The following CFAP43 variants were observed in gnomAD, a reference collection of about 807,000 sequenced individuals.
CFAP43 encodes cilia and flagella associated protein 43, also known as cilia- and flagella-associated protein 43.
A neutral mutation model predicts 218.9 loss-of-function variants in CFAP43; 155 were observed. The ratio of observed to expected loss-of-function variants is 0.71; its 90% CI spans 0.62 to 0.81. The LOEUF is 0.81. Among genes scored for constraint, CFAP43 ranks in the 30% least tolerant of loss-of-function variants. The probability of loss-of-function intolerance (pLI) is 0.00; values close to 1 mark genes in which losing one functional copy is unlikely to be tolerated. For synonymous variants in CFAP43, 645 were observed against 681.3 expected (o/e 0.95, Z 0.83); for missense variants, 1,778 against 1,954.3 (o/e 0.91, Z 1.70).
chr10:104,145,426 T>G, intron 31 of CFAP43, 50 bp downstream of exon 31: 1 of 1,343,490 alleles, frequency 7.4e-7, no homozygotes, highest in Non-Finnish European at 1.0e-6. Context: ...ACACTCCTCT[T>G]TATTTGCAAA....
chr10:104,162,199 G>T, intron 25 of CFAP43, 118 bp downstream of exon 25: 1 of 1,230,272 alleles, frequency 8.1e-7, no homozygotes, highest in Non-Finnish European at 1.2e-6. Context: ...GAGGCCAACT[G>T]AGATTCAAGT....
chr10:104,152,021 A>G (rs939207207), intron 28 of CFAP43, among the ~76,000 whole-genome samples: 1 of 152,150 alleles, frequency 6.6e-6, no homozygotes, highest in Non-Finnish European at 1.5e-5. Flanking sequence ...TGCATACTTC[A>G]TTTTTATTCC....
intron 28 of CFAP43, among the ~76,000 whole-genome samples, chr10:104,150,520 G>A (rs2088200881): frequency 1.3e-5 from 2 of 152,158 alleles, no homozygotes; most frequent in South Asian, 2.1e-4. Context: ...AAAAGTCACT[G>A]AGGGAATTTA....
intron 26 of CFAP43, among the ~76,000 whole-genome samples, chr10:104,161,712 C>T (rs556953236): frequency 6.6e-6 from 1 of 152,200 alleles, no homozygotes; most frequent in African/African-American, 2.4e-5. Context: ...CTCACTGTAG[C>T]CTTGAACTCC....
intron 3 of CFAP43, among the ~76,000 whole-genome samples, chr10:104,216,337 TCA>T (rs1230002237): frequency 6.6e-6 from 1 of 152,218 alleles, no homozygotes; most frequent in Non-Finnish European, 1.5e-5. Flanking sequence ...AGACTCTCTG[TCA>T]CACACCTCTT....
In CFAP43 at chr10:104,166,559, T is replaced by C. The variant is rs1305867663; in HGVS notation, c.2968A>G (p.Thr990Ala). Residue 990 changes from threonine to alanine, a missense_variant, in exon 23 of 38, where the codon ACC becomes GCC. This residue lies in a region of CFAP43 where 1,553 missense variants were observed against 1,685.2 expected (regional missense o/e 0.92). Coordinates refer to ENST00000357060, the MANE Select transcript of CFAP43 (RefSeq NM_025145.7). ...TCCAATTGGCTTGACAATAAAGAGG[T>C]ATCTACCCCAAAATCAGTACTCAGA... ...GSLSTDFGVD[T>A]SLLSSQLELH... 2 of 1,614,034 alleles carry C rather than the reference T, an allele frequency of 1.2e-6. No homozygotes were observed. Among genetic ancestry groups the C allele is most frequent in the East Asian group, 2.2e-5 (1 of 44,886 alleles).
intron 28 of CFAP43, among the ~76,000 whole-genome samples, chr10:104,149,204 GA>G (rs1181405046): frequency 1.3e-5 from 2 of 152,088 alleles, no homozygotes; most frequent in Non-Finnish European, 2.9e-5. Flanking sequence ...ATCTAAATTT[GA>G]TCCTTTTAAC....
At chr10:104,226,863 C>A (rs956228432) in intron 2 of CFAP43, among the ~76,000 whole-genome samples, 6 of 151,908 alleles carry the variant, frequency 3.9e-5, no homozygotes, top group African/African-American at 1.2e-4. Flanking sequence ...TACTAAAAAT[C>A]AAAAATTAGC....
chr10:104,195,211 CAG>C (rs2090349571), intron 10 of CFAP43, among the ~76,000 whole-genome samples: 1 of 152,172 alleles, frequency 6.6e-6, no homozygotes, highest in African/African-American at 2.4e-5. Context: ...CGGACGCAGG[CAG>C]AGAGACCTGG....
chr10:104,203,251 A>G lies in CFAP43; in HGVS notation c.1095+421T>C, dbSNP rs574981867. Among the ~76,000 whole-genome samples the G allele has an allele frequency of 3.9e-5, 6 of 152,312 alleles. No individual in the cohort carries two copies. The East Asian group carries it at 1.2e-3, about 29-fold the overall frequency. On this transcript the variant is annotated intron_variant, in intron 8 of 37. Coordinates refer to ENST00000357060, the MANE Select transcript of CFAP43 (RefSeq NM_025145.7). Reference sequence around the variant, plus strand: ...GTAGACACGTGATTCAGTCAGTCCAATGAGTCTAGATTCCAAGATTTTTTT... The same window carrying G: ...GTAGACACGTGATTCAGTCAGTCCAGTGAGTCTAGATTCCAAGATTTTTTT...
At chr10:104,145,144 A>T in intron 31 of CFAP43, among the ~76,000 whole-genome samples, 1 of 152,220 alleles carries the variant, frequency 6.6e-6, no homozygotes, top group East Asian at 1.9e-4. Context: ...GTTTGAACGC[A>T]CTTTAGAAAA....
At chr10:104,206,558 A>G (rs1429344523) in intron 6 of CFAP43, among the ~76,000 whole-genome samples, 1 of 152,232 alleles carries the variant, frequency 6.6e-6, no homozygotes, top group Non-Finnish European at 1.5e-5. Context: ...GCTGGGTGTT[A>G]AAAGTGGCCT....
chr10:104,177,465 T>C (rs1453761830), intron 19 of CFAP43, among the ~76,000 whole-genome samples: 1 of 152,182 alleles, frequency 6.6e-6, no homozygotes, highest in Non-Finnish European at 1.5e-5. Flanking sequence ...GGTCTTAGTC[T>C]TCTGCCCTGC....
chr10:104,200,303 C>T (rs1466378891), intron 8 of CFAP43, among the ~76,000 whole-genome samples: 2 of 152,148 alleles, frequency 1.3e-5, no homozygotes, highest in African/African-American at 2.4e-5. Flanking sequence ...TCCCTTCTTT[C>T]CCAGTTCATC....
chr10:104,135,726 A>G, intron 34 of CFAP43, among the ~76,000 whole-genome samples: 1 of 152,200 alleles, frequency 6.6e-6, no homozygotes, highest in East Asian at 1.9e-4. Flanking sequence ...ATAAAGATTA[A>G]ATAAATGGAA....
Position 104,147,949 on chromosome 10 carries a change from T to TTTAA in CFAP43, c.3709_3710insTTAA (p.Glu1237ValfsTer6). The TTTAA allele has an allele frequency of 6.2e-7, 1 of 1,602,638 alleles. No homozygotes were observed. The highest frequency in any genetic ancestry group is 2.2e-5 in the East Asian group (1 of 44,656). On this transcript the variant is annotated frameshift_variant, in exon 29 of 38. Coordinates refer to ENST00000357060, the MANE Select transcript of CFAP43 (RefSeq NM_025145.7). LOFTEE classifies it high-confidence loss of function. ...CAGGAATTTTTCTCTAGAGCTTAAT[T>TTTAA]CTTCATCCAACAATAAAGAAAATGC...
chr10:104,227,055 T>C (rs570934135), intron 2 of CFAP43, among the ~76,000 whole-genome samples: 1 of 152,310 alleles, frequency 6.6e-6, no homozygotes, highest in South Asian at 2.1e-4. Context: ...CATTTTTAAA[T>C]GGAATTGGAT....
intron 28 of CFAP43, among the ~76,000 whole-genome samples, chr10:104,148,629 G>A (rs371701316): frequency 3.4e-4 from 52 of 152,202 alleles, no homozygotes; most frequent in African/African-American, 1.3e-3. Context: ...GCACTCCCCT[G>A]CACCCTCTCT....
intron 16 of CFAP43, among the ~76,000 whole-genome samples, chr10:104,183,645 T>A (rs969025496): frequency 6.6e-6 from 1 of 152,182 alleles, no homozygotes; most frequent in Non-Finnish European, 1.5e-5. Flanking sequence ...CGCCTCAGCC[T>A]CCCAAAGTGC....
Sources: gnomAD v4.1 joint callset for allele counts (sites outside exome capture counted in the v4.1 genomes callset) on GRCh38, gnomAD v4.1.1 for gene constraint, gnomAD v4.1.1 regional missense constraint, MANE v1.5 for transcripts, NCBI Gene and HGNC (gene_info 2026-07-23, HGNC 2026-07-21) for gene names.